Variants in NECTIN1 observed in about 807,000 individuals in gnomAD.
NECTIN1 encodes the protein nectin cell adhesion molecule 1, also known as nectin-1.
A neutral mutation model predicts 48.0 loss-of-function variants in NECTIN1; 23 were observed. The observed-to-expected ratio is 0.48, with a 90% confidence interval of 0.34 to 0.68. The LOEUF (loss-of-function observed/expected upper bound fraction) is 0.68, where lower values mean the gene tolerates loss of function less well. NECTIN1 is among the 30% of genes least tolerant of loss of function. The pLI, the probability that NECTIN1 is intolerant of heterozygous loss-of-function variation, is 0.01. For synonymous variants in NECTIN1, 270 were observed against 288.9 expected, an observed-to-expected ratio of 0.93 and a Z score of 0.66; for missense variants, 591 against 709.9, an observed-to-expected ratio of 0.83 and a Z score of 1.90.
At chr11:119,647,797 T>C (rs931270777) in intron 5 of NECTIN1, among the ~76,000 whole-genome samples, 3 of 152,066 alleles carry the variant, frequency 2.0e-5, no homozygotes, top group Admixed American at 1.3e-4. Context: ...GCGCGGTGGC[T>C]CACGCCTGTA....
intron 1 of NECTIN1, among the ~76,000 whole-genome samples, chr11:119,720,757 T>C (rs1399307845): frequency 1.3e-5 from 2 of 152,144 alleles, no homozygotes; most frequent in Non-Finnish European, 2.9e-5. Context: ...AGGCTGCCGG[T>C]CAGCAGGCAC....
At position 119,687,030 on chromosome 11, in the gene NECTIN1, C is replaced by T. The variant is rs558344736; in HGVS notation, c.80-8265G>A. On this transcript the variant is annotated intron_variant, in intron 1 of 5. Transcript: ENST00000264025. The stretch of plus-strand genomic sequence containing the variant: ...CAGCTTCCTGGAAACTGCATATTAT[C>T]CAAAAGGCAGAAATGGAAAGTGAGG... 1.2e-4 allele frequency among the ~76,000 whole-genome samples: 19 copies of T among 152,246 alleles called. No individual in the cohort carries two copies. In the East Asian group the frequency reaches 3.5e-3, roughly 28 times the overall value.
In NECTIN1 at chr11:119,677,424, G is replaced by A; in HGVS notation, c.733+131C>T. ...AAGGAGGAGAGAAAACGAGCAAAGG[G>A]AGGAGATAGGGGAGACAGGAGGGGA... On this transcript the variant is annotated intron_variant, in intron 3 of 5. Coordinates refer to ENST00000264025, the MANE Select transcript of NECTIN1 (RefSeq NM_002855.5). The surrounding 1 kb of genome is among the most constrained non-coding windows in gnomAD (Gnocchi z 5.4). 8.7e-7 allele frequency: 1 copy of A among 1,144,770 alleles called. No homozygotes were observed. Among genetic ancestry groups the A allele is most frequent in the South Asian group, 1.3e-5 (1 of 79,130 alleles). The allele number at this position is 1,144,770 out of a possible 1,614,324, so 70.9% of individuals were successfully genotyped here.
chr11:119,714,243 G>A (rs1865710013), intron 1 of NECTIN1, among the ~76,000 whole-genome samples: 1 of 152,118 alleles, frequency 6.6e-6, no homozygotes, highest in Non-Finnish European at 1.5e-5. Context: ...TGGGGTGGTG[G>A]CCCCTGGACT....
chr11:119,663,832 C>T lies in NECTIN1; in HGVS notation c.*915G>A. 1.0e-6 allele frequency: 1 copy of T among 985,554 alleles called. No individual in the cohort carries two copies. The highest frequency in any genetic ancestry group is 1.2e-6 in the Non-Finnish European group (1 of 830,044). The allele number at this position is 985,554 out of a possible 1,614,324, so 61.1% of individuals were successfully genotyped here. On this transcript the variant is annotated 3_prime_UTR_variant, in exon 6 of 6. Coordinates refer to ENST00000264025, the MANE Select transcript of NECTIN1 (RefSeq NM_002855.5). ...CTCTGGAAGCTTCTATAGGCAGACC[C>T]CATTCTCAGCTTAAAGGGGGAATGA...
intron 1 of NECTIN1, among the ~76,000 whole-genome samples, chr11:119,681,992 T>C (rs751514189): frequency 6.6e-6 from 1 of 151,750 alleles, no homozygotes; most frequent in Non-Finnish European, 1.5e-5. Context: ...TCATTGAGGG[T>C]GGGGACTGGA....
At chr11:119,720,526 C>T (rs1003863676) in intron 1 of NECTIN1, among the ~76,000 whole-genome samples, 8 of 152,276 alleles carry the variant, frequency 5.3e-5, no homozygotes, top group African/African-American at 1.9e-4. Flanking sequence ...CCCATGGGAG[C>T]ACCCCGCGTG....
At chr11:119,706,372 G>A (rs1865549032) in intron 1 of NECTIN1, among the ~76,000 whole-genome samples, 1 of 152,168 alleles carries the variant, frequency 6.6e-6, no homozygotes, top group African/African-American at 2.4e-5. Flanking sequence ...AGTGGCTCCT[G>A]TGACTCCCAG....
chr11:119,640,005 G>A, exon 6 of NECTIN1: 1 of 1,611,340 alleles, frequency 6.2e-7, no homozygotes, highest in Admixed American at 1.7e-5. Context: ...TCTGGGGGCG[G>A]GGCTTTTCTG....
intron 1 of NECTIN1, among the ~76,000 whole-genome samples, chr11:119,686,495 CTG>C (rs1865156636): frequency 6.6e-6 from 1 of 152,192 alleles, no homozygotes. Flanking sequence ...AGAGGGATCT[CTG>C]TAAGATGCAA....
intron 1 of NECTIN1, among the ~76,000 whole-genome samples, chr11:119,691,712 G>A (rs751104178): frequency 6.6e-6 from 1 of 152,164 alleles, no homozygotes; most frequent in Non-Finnish European, 1.5e-5. Flanking sequence ...TAACTTTCCC[G>A]AAACCCAGCC....
intron 1 of NECTIN1, among the ~76,000 whole-genome samples, chr11:119,721,449 G>T (rs1865828889): frequency 6.6e-6 from 1 of 152,234 alleles, no homozygotes; most frequent in Non-Finnish European, 1.5e-5. Context: ...GCCCGCAGCT[G>T]TGTCCCAACT....
chr11:119,692,209 G>A (rs1261686657), intron 1 of NECTIN1, among the ~76,000 whole-genome samples: 1 of 152,230 alleles, frequency 6.6e-6, no homozygotes, highest in Non-Finnish European at 1.5e-5. Flanking sequence ...GAGTCACTGG[G>A]TAGGGGTTGG....
At chr11:119,685,764 C>T (rs1865144036) in intron 1 of NECTIN1, among the ~76,000 whole-genome samples, 3 of 152,260 alleles carry the variant, frequency 2.0e-5, no homozygotes, top group Non-Finnish European at 4.4e-5. Context: ...GATCACTCTC[C>T]TGTACCTGCC....
chr11:119,690,824 CAGGGACTCTG>C lies in NECTIN1; in HGVS notation c.80-12069_80-12060del, dbSNP rs561446345. On this transcript the variant is annotated intron_variant, in intron 1 of 5. Coordinates refer to ENST00000264025, the MANE Select transcript of NECTIN1 (RefSeq NM_002855.5). Reference sequence around the variant, plus strand: ...AGGTGGGGGAACTCGGGGACAGGGGCAGGGACTCTGAGTGGCCCTTCCATCACTGCAGAAG... The same window carrying C: ...AGGTGGGGGAACTCGGGGACAGGGGCAGTGGCCCTTCCATCACTGCAGAAG... 1.2e-3 allele frequency among the ~76,000 whole-genome samples: 188 copies of C among 152,244 alleles called. 2 individuals carry two copies. Among genetic ancestry groups the C allele is most frequent in the African/African-American group, 4.3e-3 (179 of 41,538 alleles).
At chr11:119,686,556 T>C (rs1758701905) in intron 1 of NECTIN1, among the ~76,000 whole-genome samples, 1 of 152,170 alleles carries the variant, frequency 6.6e-6, no homozygotes, top group African/African-American at 2.4e-5. Context: ...GCCCTCAGGA[T>C]GAAGTTTTTC....
chr11:119,686,531 C>CAGTACTGCTTA (rs1275847843), intron 1 of NECTIN1, among the ~76,000 whole-genome samples: 20 of 152,182 alleles, frequency 1.3e-4, no homozygotes, highest in Non-Finnish European at 2.5e-4. Flanking sequence ...TCAGACCCTC[C>CAGTACTGCTTA]CATGGTATCC....
chr11:119,660,222 G>A (rs1199254879), downstream of NECTIN1, among the ~76,000 whole-genome samples: 1 of 152,160 alleles, frequency 6.6e-6, no homozygotes, highest in Admixed American at 6.5e-5. Context: ...GGGGGGTGAC[G>A]GAGGGATGGC....
intron 5 of NECTIN1, among the ~76,000 whole-genome samples, chr11:119,649,930 T>C (rs1265106756): frequency 1.3e-5 from 2 of 152,120 alleles, no homozygotes; most frequent in Non-Finnish European, 1.5e-5. Flanking sequence ...CAAACAGGCT[T>C]TGTGTGAGCA....
Sources: allele counts gnomAD v4.1 joint callset (sites outside exome capture counted in the v4.1 genomes callset), GRCh38; gene constraint gnomAD v4.1.1; non-coding constraint Gnocchi (gnomAD v3.1); transcripts MANE v1.5; gene names NCBI Gene and HGNC (gene_info 2026-07-23, HGNC 2026-07-21).